The following TASP1 variants were observed in gnomAD, a reference collection of about 807,000 sequenced individuals.
TASP1 encodes taspase 1.
In TASP1, 16 loss-of-function variants were observed where a neutral mutation model predicts 56.6. That is an observed-to-expected ratio of 0.28 (90% CI 0.19 to 0.43). TASP1 has a LOEUF of 0.43. Among genes scored for constraint, TASP1 ranks in the 20% least tolerant of loss-of-function variants. The pLI is 1.00. For missense variants in TASP1, 393 were observed against 511.6 expected (o/e 0.77, Z 2.24); for synonymous variants, 179 against 184.2 (o/e 0.97, Z 0.23).
At chr20:13,208,000 G>A in the TASP1 span, among the ~76,000 whole-genome samples, 1 of 152,066 alleles carries the variant, frequency 6.6e-6, no homozygotes, top group Non-Finnish European at 1.5e-5. Flanking sequence ...CAGGGAAAAT[G>A]AGAATAAAAC....
chr20:13,555,851 A>G (rs1287954489), intron 8 of TASP1, among the ~76,000 whole-genome samples: 1 of 152,174 alleles, frequency 6.6e-6, no homozygotes, highest in East Asian at 1.9e-4. Flanking sequence ...TTAAGCAATA[A>G]AGACTTGAAA....
chr20:13,553,677 T>C (rs1291813315), intron 8 of TASP1, among the ~76,000 whole-genome samples: 1 of 152,240 alleles, frequency 6.6e-6, no homozygotes, highest in Non-Finnish European at 1.5e-5. Flanking sequence ...AGAGATAAAA[T>C]ATGCTTTTAT....
intron 4 of TASP1, among the ~76,000 whole-genome samples, chr20:13,604,041 ATG>A (rs1437168795): frequency 2.0e-5 from 3 of 152,128 alleles, no homozygotes; most frequent in African/African-American, 4.8e-5. Flanking sequence ...CTTACCTGTG[ATG>A]TTTCCTGTTA....
At chr20:13,502,067 A>G (rs6033737) in intron 10 of TASP1, among the ~76,000 whole-genome samples, 38,538 of 151,848 alleles carry the variant, frequency 0.25, 5,054 homozygotes, top group Middle Eastern at 0.31. Flanking sequence ...ATTGAAATAC[A>G]TCAAATATAT....
chr20:13,375,925 TG>T, the TASP1 span, among the ~76,000 whole-genome samples: 3 of 152,036 alleles, frequency 2.0e-5, no homozygotes, highest in African/African-American at 4.8e-5. Context: ...TTGATGGGGT[TG>T]TTTTTTTTTT....
chr20:13,624,602 AC>A (rs2048822280), intron 3 of TASP1, among the ~76,000 whole-genome samples: 1 of 152,192 alleles, frequency 6.6e-6, no homozygotes, highest in African/African-American at 2.4e-5. Context: ...AGGTTTGCCT[AC>A]AAGACTAGTA....
At chr20:13,389,030 T>C (rs1229163233), downstream of TASP1, among the ~76,000 whole-genome samples, 1 of 147,320 alleles carries the variant, frequency 6.8e-6, no homozygotes, top group African/African-American at 2.5e-5. Flanking sequence ...ACTTCTTACA[T>C]AAAAAAAAAA....
At chr20:13,318,160 T>TAAATAAATAAAC in the TASP1 span, among the ~76,000 whole-genome samples, 2 of 151,146 alleles carry the variant, frequency 1.3e-5, no homozygotes, top group African/African-American at 4.9e-5. Context: ...AATAAATAAA[T>TAAATAAATAAAC]AAAAATGAGC....
At chr20:13,288,568 T>A in the TASP1 span, 1 of 1,613,588 alleles carries the variant, frequency 6.2e-7, no homozygotes, top group South Asian at 1.1e-5. Flanking sequence ...GTGACTGGAG[T>A]CTCTGGTCTG....
intron 12 of TASP1, among the ~76,000 whole-genome samples, chr20:13,421,612 A>C (rs1484204460): frequency 6.6e-6 from 1 of 152,174 alleles, no homozygotes; most frequent in Non-Finnish European, 1.5e-5. Flanking sequence ...ACTCATACTA[A>C]AATAAACGCA....
chr20:13,163,524 C>T, the TASP1 span, among the ~76,000 whole-genome samples: 1 of 152,064 alleles, frequency 6.6e-6, no homozygotes, highest in Admixed American at 6.6e-5. Context: ...TAGAAACTAT[C>T]CCAGAGAGGT....
the TASP1 span, among the ~76,000 whole-genome samples, chr20:13,342,280 G>A: frequency 6.6e-6 from 1 of 152,190 alleles, no homozygotes; most frequent in African/African-American, 2.4e-5. Context: ...GCCTGGGTGG[G>A]TTGTTTGTTT....
At chr20:13,638,364 C>A (rs1297505408) in intron 1 of TASP1, among the ~76,000 whole-genome samples, 6 of 151,892 alleles carry the variant, frequency 4.0e-5, no homozygotes, top group Admixed American at 1.3e-4. Flanking sequence ...TCCTGCTTTC[C>A]CCCCCTCCTC....
the TASP1 span, among the ~76,000 whole-genome samples, chr20:13,350,723 CTGTT>C: frequency 5.0e-4 from 76 of 152,060 alleles, no homozygotes; most frequent in African/African-American, 1.8e-3. Context: ...GAGTCTCACT[CTGTT>C]TGTTACCCAG....
chr20:13,345,325 T>C, the TASP1 span, among the ~76,000 whole-genome samples: 1 of 152,262 alleles, frequency 6.6e-6, no homozygotes, highest in African/African-American at 2.4e-5. Flanking sequence ...TTGCATTTTC[T>C]GACCTGTAAG....
chr20:13,485,533 C>G (rs1289129471), intron 10 of TASP1, among the ~76,000 whole-genome samples: 2 of 152,054 alleles, frequency 1.3e-5, no homozygotes, highest in African/African-American at 4.8e-5. Context: ...TTTGGTAAAG[C>G]GTAAATGCAA....
At chr20:13,261,481 C>T in the TASP1 span, among the ~76,000 whole-genome samples, 389 of 151,732 alleles carry the variant, frequency 2.6e-3, 5 homozygotes, top group African/African-American at 8.8e-3. Context: ...CTACCTGAGG[C>T]GTGGATCTTT....
At chr20:13,637,127 A>T (rs1386702144) in intron 1 of TASP1, among the ~76,000 whole-genome samples, 1 of 152,248 alleles carries the variant, frequency 6.6e-6, no homozygotes, top group East Asian at 1.9e-4. Context: ...ACAAAGGGTC[A>T]ATAAGCACAT....
chr20:13,212,869 C>A, the TASP1 span, among the ~76,000 whole-genome samples: 1 of 152,156 alleles, frequency 6.6e-6, no homozygotes, highest in African/African-American at 2.4e-5. Flanking sequence ...AAGTGAGAAT[C>A]TTCAGATTTC....
Sources: gnomAD v4.1 joint callset for allele counts (sites outside exome capture counted in the v4.1 genomes callset) on GRCh38, gnomAD v4.1.1 for gene constraint, MANE v1.5 for transcripts, NCBI Gene and HGNC (gene_info 2026-07-23, HGNC 2026-07-21) for gene names.